SEMA5A: variants seen among roughly 807,000 people sequenced by gnomAD.
SEMA5A encodes the protein semaphorin-5A.
A neutral mutation model predicts 135.5 loss-of-function variants in SEMA5A; 55 were observed. The observed-to-expected ratio is 0.41, with a 90% confidence interval of 0.33 to 0.51. The LOEUF (loss-of-function observed/expected upper bound fraction) is 0.51, where lower values mean the gene tolerates loss of function less well. Among genes scored for constraint, SEMA5A ranks in the 20% least tolerant of loss-of-function variants. The probability of loss-of-function intolerance (pLI) is 0.37; values close to 1 mark genes in which losing one functional copy is unlikely to be tolerated. For missense variants in SEMA5A, 1,290 were observed against 1,419.9 expected (o/e 0.91, Z 1.47); for synonymous variants, 580 against 546.5 (o/e 1.06, Z -0.85).
intron 8 of SEMA5A, among the ~76,000 whole-genome samples, chr5:9,214,613 G>A (rs1806032): frequency 0.014 from 2,072 of 152,196 alleles, 61 homozygotes; most frequent in African/African-American, 0.048. Flanking sequence ...TCTGTATCCC[G>A]GCCAGATGTC....
chr5:9,182,100 C>T (rs1013075899), intron 11 of SEMA5A, among the ~76,000 whole-genome samples: 6 of 150,938 alleles, frequency 4.0e-5, no homozygotes, highest in South Asian at 4.2e-4. Context: ...CTTCCTGTTT[C>T]GTTTTTTCCT....
rs1217411653 is a variant in SEMA5A at position 9,545,590 on chromosome 5, C to G, written c.-181G>C. On this transcript the variant is annotated 5_prime_UTR_variant, in exon 1 of 23. Transcript: ENST00000382496. The surrounding 1 kb of genome is among the most constrained non-coding windows in gnomAD (Gnocchi z 4.5). ...TCGGGCGGGGGTCGCTCACCAGGTG[C>G]GAGGAGCGCTGGTGCCAGTCATCCA... 6.6e-6 allele frequency: 1 copy of G among 152,168 alleles called. No homozygotes were observed. Among genetic ancestry groups the G allele is most frequent in the African/African-American group, 2.4e-5 (1 of 41,394 alleles). 9.4% of individuals were successfully genotyped at this position (152,168 alleles called of 1,614,324 possible). A position where few individuals can be genotyped will look rare whatever the true frequency, so the allele number is the denominator to read the frequency against.
chr5:9,105,506 T>C (rs1400122069), intron 16 of SEMA5A, among the ~76,000 whole-genome samples: 3 of 152,220 alleles, frequency 2.0e-5, no homozygotes. Flanking sequence ...TAAATGACAT[T>C]TCATTAGCTG....
intron 2 of SEMA5A, among the ~76,000 whole-genome samples, chr5:9,388,898 C>CAAAAA (rs111310656): frequency 4.2e-4 from 57 of 136,558 alleles, no homozygotes; most frequent in Middle Eastern, 3.8e-3. Context: ...GACTCCGTCT[C>CAAAAA]AAAAAAAAAA....
In SEMA5A at chr5:9,224,779, C is replaced by T. The variant is rs749528317; in HGVS notation, c.541G>A (p.Ala181Thr). 2 of 1,614,116 alleles carry T rather than the reference C, an allele frequency of 1.2e-6. No individual in the cohort carries two copies. Among genetic ancestry groups the T allele is most frequent in the Non-Finnish European group, 1.7e-6 (2 of 1,180,020 alleles). ...CCTGGAAAATCCATGGCTGTAGCAG[C>T]ATAGAGCTCCCCACCAGCTGTGAGG... ...ALLTAGGELY[A>T]ATAMDFPGRD... Residue 181 changes from alanine to threonine, a missense_variant, in exon 8 of 23, where the codon GCT (alanine) becomes ACT (threonine). Transcript: ENST00000382496.
At chr5:9,390,974 T>C (rs1032107016) in intron 2 of SEMA5A, 1 of 152,166 alleles carries the variant, frequency 6.6e-6, no homozygotes, top group Non-Finnish European at 1.5e-5. Context: ...CATTTCCAAA[T>C]GGAAGAAGTA....
intron 14 of SEMA5A, among the ~76,000 whole-genome samples, chr5:9,120,740 T>C (rs767300592): frequency 1.3e-5 from 2 of 152,292 alleles, no homozygotes; most frequent in South Asian, 2.1e-4. Flanking sequence ...TCAAATTTGT[T>C]TGGAAACTCT....
At chr5:9,532,296 C>T (rs779268667) in intron 1 of SEMA5A, among the ~76,000 whole-genome samples, 6 of 151,828 alleles carry the variant, frequency 4.0e-5, no homozygotes, top group Non-Finnish European at 5.9e-5. Context: ...GACAGAGTCT[C>T]GCTCTATCGC....
intron 2 of SEMA5A, among the ~76,000 whole-genome samples, chr5:9,395,395 T>A (rs894308493): frequency 6.6e-6 from 1 of 152,200 alleles, no homozygotes; most frequent in Non-Finnish European, 1.5e-5. Context: ...AAAAGTTATG[T>A]TCAGAATGTG....
At chr5:9,134,150 A>T (rs1741597538) in intron 13 of SEMA5A, among the ~76,000 whole-genome samples, 1 of 152,076 alleles carries the variant, frequency 6.6e-6, no homozygotes, top group African/African-American at 2.4e-5. Context: ...ATACCTTATA[A>T]ATGACCGGTC....
At chr5:9,224,385 C>T (rs1747174293) in intron 8 of SEMA5A, among the ~76,000 whole-genome samples, 1 of 128,772 alleles carries the variant, frequency 7.8e-6, no homozygotes, top group Non-Finnish European at 1.6e-5. Flanking sequence ...GTCAAATTTT[C>T]TAGACATTAA....
At chr5:9,056,912 G>A (rs1381094631) in intron 18 of SEMA5A, among the ~76,000 whole-genome samples, 5 of 152,116 alleles carry the variant, frequency 3.3e-5, no homozygotes, top group African/African-American at 4.8e-5. Context: ...AAGCAAATGC[G>A]GTAGGTACAT....
chr5:9,176,305 C>G (rs1446152337), intron 11 of SEMA5A, among the ~76,000 whole-genome samples: 1 of 152,104 alleles, frequency 6.6e-6, no homozygotes, highest in African/African-American at 2.4e-5. Flanking sequence ...ACTCTGCCAA[C>G]AGCCAGGACA....
At chr5:9,178,275 G>A (rs1744308947) in intron 11 of SEMA5A, among the ~76,000 whole-genome samples, 2 of 150,980 alleles carry the variant, frequency 1.3e-5, no homozygotes, top group Admixed American at 6.6e-5. Flanking sequence ...TTACAAAAGT[G>A]AGCTCCTGAG....
chr5:9,077,051 A>C (rs1738107433), intron 16 of SEMA5A, among the ~76,000 whole-genome samples: 1 of 152,144 alleles, frequency 6.6e-6, no homozygotes, highest in African/African-American at 2.4e-5. Flanking sequence ...GGATTTGGAG[A>C]AGTGTGGGAG....
At chr5:9,333,565 G>T (rs1669988794) in intron 4 of SEMA5A, among the ~76,000 whole-genome samples, 1 of 152,216 alleles carries the variant, frequency 6.6e-6, no homozygotes, top group African/African-American at 2.4e-5. Flanking sequence ...TCAATCTGCA[G>T]TGAAACTTAC....
intron 1 of SEMA5A, among the ~76,000 whole-genome samples, chr5:9,530,205 T>C (rs1447112858): frequency 6.6e-6 from 1 of 152,186 alleles, no homozygotes; most frequent in Non-Finnish European, 1.5e-5. Context: ...CTGTTTGCTG[T>C]GTTGAGTTAT....
At chr5:9,114,560 G>A (rs2150168767) in intron 15 of SEMA5A, among the ~76,000 whole-genome samples, 1 of 152,278 alleles carries the variant, frequency 6.6e-6, no homozygotes, top group South Asian at 2.1e-4. Flanking sequence ...ATTACACAAT[G>A]GGTGAAAACT....
At chr5:9,301,731 G>A (rs963408642) in intron 5 of SEMA5A, among the ~76,000 whole-genome samples, 2 of 152,280 alleles carry the variant, frequency 1.3e-5, no homozygotes, top group African/African-American at 4.8e-5. Context: ...AGGACCCAGA[G>A]GATATTATTC....
Sources: allele counts gnomAD v4.1 joint callset (sites outside exome capture counted in the v4.1 genomes callset), GRCh38; gene constraint gnomAD v4.1.1; non-coding constraint Gnocchi (gnomAD v3.1); transcripts MANE v1.5; gene names NCBI Gene and HGNC (gene_info 2026-07-23, HGNC 2026-07-21).